TVP23A: variants seen among roughly 807,000 people sequenced by gnomAD.
TVP23A encodes Golgi apparatus membrane protein TVP23 homolog A.
TVP23A carries 21 observed loss-of-function variants against 31.7 expected under a neutral mutation model. The ratio of observed to expected loss-of-function variants is 0.66; its 90% confidence interval spans 0.47 to 0.95. The LOEUF is 0.95. Among genes scored for constraint, TVP23A ranks in the 40% least tolerant of loss-of-function variants. The pLI, the probability that TVP23A is intolerant of heterozygous loss-of-function variation, is 0.00. For missense variants in TVP23A, 279 were observed against 255.6 expected (o/e 1.09, Z -0.62); for synonymous variants, 104 against 96.0 (o/e 1.08, Z -0.49).
At chr16:10,792,456 A>G (rs1182814834) in intron 2 of TVP23A, among the ~76,000 whole-genome samples, 1 of 152,180 alleles carries the variant, frequency 6.6e-6, no homozygotes, top group Non-Finnish European at 1.5e-5. Context: ...TACGAAATGC[A>G]GGACCCACAA....
intron 2 of TVP23A, among the ~76,000 whole-genome samples, chr16:10,804,129 A>G (rs1452456548): frequency 6.6e-6 from 1 of 152,220 alleles, no homozygotes; most frequent in African/African-American, 2.4e-5. Flanking sequence ...TCAGATGTCC[A>G]TATGCACAGC....
Position 10,774,142 on chromosome 16 carries a change from AC to A in TVP23A, c.235-15del. 6.3e-7 allele frequency: 1 copy of A among 1,596,686 alleles called. No homozygotes were observed. ...TCCGGTTACATTCTGAGAACAATAGACAAAGGACTCTGAGCAGGTCACAGGC... is the reference window on the plus strand; with the variant it reads ...TCCGGTTACATTCTGAGAACAATAGAAAAGGACTCTGAGCAGGTCACAGGC... On this transcript the variant is annotated splice_polypyrimidine_tract_variant and intron_variant, in intron 3 of 7. Coordinates refer to ENST00000299866, the MANE Select transcript of TVP23A (RefSeq NM_001079512.4).
At chr16:10,784,032 C>T (rs112397287) in intron 2 of TVP23A, among the ~76,000 whole-genome samples, 1,659 of 152,138 alleles carry the variant, frequency 0.011, 9 homozygotes, top group African/African-American at 0.012. Context: ...TACACATTTG[C>T]CAAAACTCAT....
At chr16:10,795,544 C>G (rs1490588998) in intron 2 of TVP23A, among the ~76,000 whole-genome samples, 4 of 152,098 alleles carry the variant, frequency 2.6e-5, no homozygotes, top group Non-Finnish European at 5.9e-5. Flanking sequence ...AGCCACTGTG[C>G]CCGGCCTATC....
intron 2 of TVP23A, among the ~76,000 whole-genome samples, chr16:10,802,910 T>A (rs2033769973): frequency 6.6e-6 from 1 of 152,210 alleles, no homozygotes; most frequent in African/African-American, 2.4e-5. Flanking sequence ...TGCGCAAGGA[T>A]ACAGAATTAA....
chr16:10,770,207 C>T, intron 7 of TVP23A, 65 bp downstream of exon 7: 1 of 1,542,162 alleles, frequency 6.5e-7, no homozygotes, highest in Middle Eastern at 2.2e-4. Flanking sequence ...GCCCCTGTGC[C>T]CCAAGAGCTG....
At chr16:10,760,933 T>G (rs981795036), downstream of TVP23A, 2 of 181,052 alleles carry the variant, frequency 1.1e-5, no homozygotes, top group African/African-American at 4.7e-5. Context: ...GGAAAGAGGT[T>G]TCATTGATTC....
Position 10,767,437 on chromosome 16 carries a change from G to A in TVP23A, c.*1665C>T. ...GCAGCAGGCAGAATGTGTGTGTCAT[G>A]TGCTCCCATTCGTATTTTAGGTATA... On this transcript the variant is annotated 3_prime_UTR_variant, in exon 8 of 8. Coordinates refer to ENST00000299866, the MANE Select transcript of TVP23A (RefSeq NM_001079512.4). The surrounding 1 kb of genome is among the most constrained non-coding windows in gnomAD (Gnocchi z 4.6). 2.5e-6 allele frequency: 1 copy of A among 400,232 alleles called. No homozygotes were observed. The highest frequency in any genetic ancestry group is 2.1e-5 in the African/African-American group (1 of 48,758). 24.8% of individuals were successfully genotyped at this position (400,232 alleles called of 1,614,324 possible).
At chr16:10,778,542 T>A (rs1220346139) in intron 2 of TVP23A, among the ~76,000 whole-genome samples, 4 of 151,996 alleles carry the variant, frequency 2.6e-5, no homozygotes, top group Admixed American at 6.6e-5. Flanking sequence ...CATTTTTATA[T>A]CCCCAAAAGC....
intron 2 of TVP23A, among the ~76,000 whole-genome samples, chr16:10,795,058 T>C (rs976454906): frequency 6.6e-6 from 1 of 151,916 alleles, no homozygotes; most frequent in Non-Finnish European, 1.5e-5. Flanking sequence ...GGCAGGGACA[T>C]TGGAACACCC....
downstream of TVP23A, among the ~76,000 whole-genome samples, chr16:10,762,822 G>C (rs1307528194): frequency 4.7e-4 from 71 of 152,124 alleles, 1 homozygote; most frequent in Non-Finnish European, 2.9e-5. Context: ...TGCTTGGGGA[G>C]AGGGCGGGGC....
chr16:10,769,988 C>T (rs1248549925), intron 7 of TVP23A, among the ~76,000 whole-genome samples: 94 of 152,338 alleles, frequency 6.2e-4, no homozygotes, highest in Non-Finnish European at 1.2e-4. Flanking sequence ...TGTCTCTTCC[C>T]TCCCCGCCCT....
At chr16:10,780,543 T>C (rs1272585674) in intron 2 of TVP23A, among the ~76,000 whole-genome samples, 1 of 152,156 alleles carries the variant, frequency 6.6e-6, no homozygotes, top group Non-Finnish European at 1.5e-5. Flanking sequence ...AGGCCTATGT[T>C]AGTGAGAACT....
At chr16:10,805,764 G>A (rs1216657628) in intron 2 of TVP23A, among the ~76,000 whole-genome samples, 2 of 151,856 alleles carry the variant, frequency 1.3e-5, no homozygotes, top group African/African-American at 4.8e-5. Context: ...CAGGAAGGCA[G>A]GGACCAAGCC....
chr16:10,815,272 C>G (rs923067239), intron 2 of TVP23A, among the ~76,000 whole-genome samples: 9 of 152,086 alleles, frequency 5.9e-5, no homozygotes, highest in Admixed American at 5.2e-4. Context: ...ATCAGCCAAG[C>G]GTGGTGGCGT....
At chr16:10,764,514 T>TCA (rs1266591294), downstream of TVP23A, among the ~76,000 whole-genome samples, 131 of 150,340 alleles carry the variant, frequency 8.7e-4, no homozygotes, top group African/African-American at 3.1e-3. Context: ...CTGGAGTATT[T>TCA]GTCTATTGGA....
In TVP23A at chr16:10,761,293, C is replaced by T; in HGVS notation, c.*482G>A. 9 of 1,375,778 alleles carry T rather than the reference C, an allele frequency of 6.5e-6. No homozygotes were observed. In the South Asian group the frequency reaches 9.7e-5, roughly 15 times the overall value. 85.2% of individuals were successfully genotyped at this position (1,375,778 alleles called of 1,614,324 possible). ...CGCAGATCCACTGCATTGCAGCCAT[C>T]CCCTCGGTTGCACAGACATTCCCTT... On this transcript the variant is annotated 3_prime_UTR_variant and NMD_transcript_variant, in exon 9 of 9. Coordinates refer to the TVP23A transcript ENST00000456096.
At chr16:10,782,658 A>G (rs572876449) in intron 2 of TVP23A, among the ~76,000 whole-genome samples, 2 of 152,082 alleles carry the variant, frequency 1.3e-5, no homozygotes, top group Admixed American at 1.3e-4. Flanking sequence ...AGACACCACC[A>G]CACCTGGCTA....
chr16:10,763,034 A>G (rs1596469905), downstream of TVP23A, among the ~76,000 whole-genome samples: 1 of 152,186 alleles, frequency 6.6e-6, no homozygotes, highest in African/African-American at 2.4e-5. Context: ...GAAGGGACAC[A>G]CACAAGAGAG....
Sources: gnomAD v4.1 joint callset for allele counts (sites outside exome capture counted in the v4.1 genomes callset) on GRCh38, gnomAD v4.1.1 for gene constraint, Gnocchi (gnomAD v3.1) non-coding constraint, MANE v1.5 for transcripts, NCBI Gene and HGNC (gene_info 2026-07-23, HGNC 2026-07-21) for gene names.